The following IL19 variants were observed in gnomAD, a reference collection of about 807,000 sequenced individuals.
IL19 encodes interleukin 19, also known as interleukin-19.
IL19 carries 15 observed loss-of-function variants against 19.5 expected under a neutral mutation model. That is an observed-to-expected ratio of 0.77 (90% CI 0.52 to 1.19). The LOEUF is 1.19. IL19 is among the 50% of genes most tolerant of loss of function. IL19 has a pLI of 0.00. For synonymous variants in IL19, 78 were observed against 78.3 expected (o/e 1.00, Z 0.02); for missense variants, 199 against 213.1 (o/e 0.93, Z 0.41).
intron 1 of IL19, among the ~76,000 whole-genome samples, chr1:206,777,956 G>A (rs1558605164): frequency 6.6e-6 from 1 of 152,242 alleles, no homozygotes; most frequent in East Asian, 1.9e-4. Flanking sequence ...AGTGTGGCCA[G>A]TTTGGGGTGC....
chr1:206,792,120 C>G (rs976709837), intron 1 of IL19, among the ~76,000 whole-genome samples: 4 of 152,180 alleles, frequency 2.6e-5, no homozygotes, highest in African/African-American at 7.2e-5. Flanking sequence ...GTCTGAGATG[C>G]CTTCTCTTGG....
intron 1 of IL19, chr1:206,772,371 T>C (rs1674877447): frequency 3.1e-6 from 5 of 1,614,042 alleles, no homozygotes; most frequent in Non-Finnish European, 4.2e-6. Context: ...CTGGGTGCCC[T>C]GGCCTGGGCT....
chr1:206,799,965 A>G (rs1048810255), intron 2 of IL19, among the ~76,000 whole-genome samples: 3 of 152,206 alleles, frequency 2.0e-5, no homozygotes, highest in Non-Finnish European at 2.9e-5. Context: ...CTTATCTATA[A>G]GCAAGTTTGT....
At chr1:206,832,521 C>A (rs901248268) in intron 2 of IL19, among the ~76,000 whole-genome samples, 1 of 152,142 alleles carries the variant, frequency 6.6e-6, no homozygotes, top group African/African-American at 2.4e-5. Flanking sequence ...GTCTTATTTC[C>A]TTAATTGTTT....
rs537638478 is a variant in IL19 at position 206,821,806 on chromosome 1, C to T, written c.-2-14855C>T. 2.0e-5 allele frequency among the ~76,000 whole-genome samples: 3 copies of T among 152,182 alleles called. No individual in the cohort carries two copies. In the South Asian group the frequency reaches 6.2e-4, roughly 31 times the overall value. ...CACCCTGGGATCAACAGCTCCCTTT[C>T]CCCCAGGATGTCCTTTGTGGGAAGG... On this transcript the variant is annotated intron_variant, in intron 2 of 6. Transcript: ENST00000659997.
chr1:206,793,599 T>C (rs1278028137), intron 1 of IL19, among the ~76,000 whole-genome samples: 2 of 152,136 alleles, frequency 1.3e-5, no homozygotes, highest in African/African-American at 4.8e-5. Context: ...GCAAGGCTGG[T>C]TGGGAGGCTG....
chr1:206,789,177 T>G lies in IL19; in HGVS notation c.-148-9684T>G, dbSNP rs150084274. Among the ~76,000 whole-genome samples, 57 of 152,364 alleles carry G rather than the reference T, an allele frequency of 3.7e-4. 1 individual carries two copies. The South Asian group carries it at 9.3e-3, about 25-fold the overall frequency. ...GATGATCTGAAGTCCTGGCATTCCA[T>G]GAAGGTTGCTCTGGGCTTATAGTAC... is the stretch of plus-strand genomic sequence containing the variant. On this transcript the variant is annotated intron_variant, in intron 1 of 6. Coordinates refer to ENST00000659997, the MANE Select transcript of IL19 (RefSeq NM_153758.5).
At chr1:206,802,476 T>C (rs572357009) in intron 2 of IL19, among the ~76,000 whole-genome samples, 1 of 152,060 alleles carries the variant, frequency 6.6e-6, no homozygotes, top group African/African-American at 2.4e-5. Flanking sequence ...ATTTTACAGA[T>C]AAGGAAACTA....
intron 2 of IL19, among the ~76,000 whole-genome samples, chr1:206,811,088 A>G (rs538491502): frequency 1.3e-5 from 2 of 152,198 alleles, no homozygotes; most frequent in Non-Finnish European, 2.9e-5. Flanking sequence ...GTATTCCTGT[A>G]TAGAAATGCA....
At chr1:206,799,790 A>G (rs1027304008) in intron 2 of IL19, among the ~76,000 whole-genome samples, 2 of 152,200 alleles carry the variant, frequency 1.3e-5, no homozygotes, top group Non-Finnish European at 1.5e-5. Flanking sequence ...AACATCATCA[A>G]TGGTGTCCCA....
intron 4 of IL19, among the ~76,000 whole-genome samples, chr1:206,838,261 A>T (rs1441358052): frequency 1.3e-5 from 2 of 152,186 alleles, no homozygotes; most frequent in Admixed American, 1.3e-4. Flanking sequence ...CCCATGAGAG[A>T]TGCCTTTAAA....
chr1:206,806,567 T>C (rs1292713516), intron 2 of IL19, among the ~76,000 whole-genome samples: 1 of 152,210 alleles, frequency 6.6e-6, no homozygotes, highest in Non-Finnish European at 1.5e-5. Context: ...CTAGGTAAAT[T>C]GTCACTCATA....
At chr1:206,824,936 A>G (rs1205600435) in intron 2 of IL19, among the ~76,000 whole-genome samples, 8 of 152,076 alleles carry the variant, frequency 5.3e-5, no homozygotes, top group South Asian at 2.1e-4. Context: ...CTGTATTTTT[A>G]GTAGAGATGG....
At chr1:206,823,303 CAG>C (rs1180484995) in intron 2 of IL19, among the ~76,000 whole-genome samples, 1 of 151,974 alleles carries the variant, frequency 6.6e-6, no homozygotes, top group African/African-American at 2.4e-5. Context: ...CCTGTAATCC[CAG>C]CACTTTGGGA....
chr1:206,822,870 G>A (rs1347927056), intron 2 of IL19, among the ~76,000 whole-genome samples: 1 of 152,122 alleles, frequency 6.6e-6, no homozygotes, highest in African/African-American at 2.4e-5. Context: ...TCAGGTGGTT[G>A]CAGCCTTGTG....
At chr1:206,819,186 C>T (rs1462902634) in intron 2 of IL19, among the ~76,000 whole-genome samples, 1 of 152,148 alleles carries the variant, frequency 6.6e-6, no homozygotes, top group Non-Finnish European at 1.5e-5. Flanking sequence ...AGCAATCCTC[C>T]TGTCTCAGAG....
At chr1:206,771,731 C>T (rs917417176) in intron 1 of IL19, among the ~76,000 whole-genome samples, 14 of 152,322 alleles carry the variant, frequency 9.2e-5, no homozygotes, top group Middle Eastern at 3.4e-3. Flanking sequence ...GTCAACCCTT[C>T]GGGGCCTTGA....
intron 1 of IL19, among the ~76,000 whole-genome samples, chr1:206,792,468 T>A (rs1276029491): frequency 6.6e-6 from 1 of 152,230 alleles, no homozygotes; most frequent in African/African-American, 2.4e-5. Flanking sequence ...CCCGCCTTTT[T>A]TTTTCTGAGA....
At chr1:206,823,141 G>T (rs545362146) in intron 2 of IL19, among the ~76,000 whole-genome samples, 1 of 152,040 alleles carries the variant, frequency 6.6e-6, no homozygotes, top group African/African-American at 2.4e-5. Context: ...TGTTGGCCAG[G>T]CTGGTCTCAA....
Sources: allele counts gnomAD v4.1 joint callset (sites outside exome capture counted in the v4.1 genomes callset), GRCh38; gene constraint gnomAD v4.1.1; transcripts MANE v1.5; gene names NCBI Gene and HGNC (gene_info 2026-07-23, HGNC 2026-07-21).